Variants in ATR observed in about 807,000 individuals in gnomAD.
The protein encoded by ATR is ATR checkpoint kinase.
A neutral mutation model predicts 305.3 loss-of-function variants in ATR; 142 were observed. The observed-to-expected ratio is 0.47, with a 90% confidence interval of 0.41 to 0.53. The LOEUF is 0.53. Among genes scored for constraint, ATR ranks in the 20% least tolerant of loss-of-function variants. The pLI, the probability that ATR is intolerant of heterozygous loss-of-function variation, is 0.00. For synonymous variants in ATR, 1,050 were observed against 1,068.1 expected (o/e 0.98, Z 0.33); for missense variants, 2,135 against 3,133.1 (o/e 0.68, Z 7.60).
At chr3:142,492,339 T>C (rs528126650) in intron 35 of ATR, among the ~76,000 whole-genome samples, 1 of 152,348 alleles carries the variant, frequency 6.6e-6, no homozygotes, top group South Asian at 2.1e-4. Flanking sequence ...ATTGTTCTTA[T>C]AGCCTCTGCA....
rs2070935650 is a variant in ATR, at chr3:142,457,670, C to T, written c.7589G>A (p.Gly2530Asp). ...AACTTCACATGCTCTTCGAAAAAGA[C>T]CCTCTGTTCCCATAGGACCCATTCC... is the stretch of plus-strand genomic sequence containing the variant. ...VNGMGPMGTE[G>D]LFRRACEVTM... The change falls in exon 45 of 47, where the codon GGT (glycine) becomes GAT (aspartate). Residue 2530 changes from glycine (G) to aspartate (D), a missense_variant. Around this residue, in one of 9 missense-constraint regions of ATR, gnomAD observed 462 missense variants for 887.6 expected, o/e 0.52. Transcript: ENST00000350721. The T allele has an allele frequency of 6.2e-7, 1 of 1,614,028 alleles. No homozygotes were observed.
At chr3:142,543,094 A>G (rs57014591) in intron 16 of ATR, among the ~76,000 whole-genome samples, 9,080 of 152,202 alleles carry the variant, frequency 0.06, 859 homozygotes, top group African/African-American at 0.2. Context: ...GTGGAGAGGA[A>G]AAGAAGAAAG....
chr3:142,563,213 A>T (rs1293464891), intron 3 of ATR, 104 bp from the exon 4 acceptor site: 2 of 1,170,858 alleles, frequency 1.7e-6, no homozygotes, highest in South Asian at 3.1e-5. Flanking sequence ...AACTTCACTA[A>T]CAAGAGTGTA....
chr3:142,501,360 T>C (rs1207056685), intron 30 of ATR, among the ~76,000 whole-genome samples: 1 of 152,198 alleles, frequency 6.6e-6, no homozygotes, highest in Non-Finnish European at 1.5e-5. Context: ...ATCCACAACA[T>C]ATAAGCATTC....
intron 28 of ATR, among the ~76,000 whole-genome samples, chr3:142,506,049 G>T (rs949122640): frequency 2.0e-5 from 3 of 152,142 alleles, no homozygotes; most frequent in African/African-American, 7.2e-5. Flanking sequence ...ACTGGATTTG[G>T]TAACATGTGG....
intron 30 of ATR, among the ~76,000 whole-genome samples, chr3:142,502,918 C>A (rs2032050176): frequency 1.3e-5 from 2 of 152,144 alleles, no homozygotes; most frequent in Non-Finnish European, 2.9e-5. Flanking sequence ...TACAATAAAC[C>A]CACCTTCTTT....
rs1401271172 is a variant in ATR, at chr3:142,524,190, T to C, written c.3955A>G (p.Ile1319Val). ...GTTTCACTGTCTGTTGCATACTTTA[T>C]CAGTTTTTCCTAAAATAAAAGTAGA... ...ETLYKNQEKL[I>V]KYATDSETVE... is the part of the protein sequence containing the mutation. Residue 1319 changes from isoleucine (I) to valine (V), a missense_variant, in exon 22 of 47, where the codon ATA (isoleucine) becomes GTA (valine). Around this residue, in one of 9 missense-constraint regions of ATR, gnomAD observed 530 missense variants for 766.8 expected, o/e 0.69. Coordinates refer to ENST00000350721, the MANE Select transcript of ATR (RefSeq NM_001184.4). 8 of 1,612,762 alleles carry C rather than the reference T, an allele frequency of 5.0e-6. No individual in the cohort carries two copies. Among genetic ancestry groups the C allele is most frequent in the Middle Eastern group, 1.6e-4 (1 of 6,084 alleles).
rs552160664 is a variant in ATR, at chr3:142,510,526, C to T, written c.4852+1734G>A. On this transcript the variant is annotated intron_variant, in intron 27 of 46. Transcript: ENST00000350721. ...AAATATAAAAATATATTAATAGCCA[C>T]ATTCCAGACAAAAACATTCTCCAAG... 8.5e-5 allele frequency among the ~76,000 whole-genome samples: 13 copies of T among 152,198 alleles called. No individual in the cohort carries two copies. The East Asian group carries it at 2.5e-3, about 29-fold the overall frequency.
intron 46 of ATR, chr3:142,451,498 A>T (rs1266087204): frequency 4.8e-6 from 7 of 1,455,878 alleles, no homozygotes; most frequent in Non-Finnish European, 9.2e-7. Flanking sequence ...AAGAACACAG[A>T]CTGGACCCAT....
intron 35 of ATR, among the ~76,000 whole-genome samples, chr3:142,487,648 T>G (rs2031026018): frequency 6.6e-6 from 1 of 152,256 alleles, no homozygotes; most frequent in Non-Finnish European, 1.5e-5. Flanking sequence ...TTCTTGTGTT[T>G]ATCCTCTGGG....
chr3:142,478,757 A>G (rs2030153220), intron 36 of ATR, among the ~76,000 whole-genome samples: 1 of 152,138 alleles, frequency 6.6e-6, no homozygotes, highest in African/African-American at 2.4e-5. Flanking sequence ...GACTTGCTTT[A>G]TGAATCTGGG....
At chr3:142,516,984 A>ATATATATATATATATAT (rs2032892222) in intron 24 of ATR, among the ~76,000 whole-genome samples, 8 of 139,130 alleles carry the variant, frequency 5.8e-5, no homozygotes, top group African/African-American at 1.6e-4. Flanking sequence ...ATACCCAAAT[A>ATATATATATATATATAT]ATATATATAT....
chr3:142,450,625 A>C, intron 46 of ATR: 5 of 1,607,542 alleles, frequency 3.1e-6, no homozygotes, highest in African/African-American at 1.3e-5. Flanking sequence ...TGGATATGGA[A>C]GAGTATACAA....
intron 21 of ATR, among the ~76,000 whole-genome samples, chr3:142,534,024 T>C (rs769238454): frequency 6.6e-6 from 1 of 152,132 alleles, no homozygotes; most frequent in Non-Finnish European, 1.5e-5. Flanking sequence ...TGTTAGACAA[T>C]GACTGTGCCA....
At chr3:142,468,119 T>C (rs1364975856) in intron 38 of ATR, 51 bp from the exon 39 acceptor site, 1 of 1,592,606 alleles carries the variant, frequency 6.3e-7, no homozygotes, top group Non-Finnish European at 8.5e-7. Flanking sequence ...TACAGGATTT[T>C]TAAAAGATAA....
In ATR at chr3:142,536,220, A is replaced by G. The variant is rs1367657186; in HGVS notation, c.3726-19T>C. On this transcript the variant is annotated intron_variant, in intron 19 of 46. Transcript: ENST00000350721. Reference sequence around the variant, plus strand: ...AGCATCCCTAATAGTTAGTTGGAATAAAAAGAATTATTTGCCAAGAATATG... The same window carrying G: ...AGCATCCCTAATAGTTAGTTGGAATGAAAAGAATTATTTGCCAAGAATATG... The G allele has an allele frequency of 2.0e-6, 3 of 1,497,542 alleles. No homozygotes were observed. In the African/African-American group the frequency reaches 4.2e-5, roughly 21 times the overall value. The allele number at this position is 1,497,542 out of a possible 1,614,324, so 92.8% of individuals were successfully genotyped here.
intron 23 of ATR, among the ~76,000 whole-genome samples, chr3:142,520,106 T>C (rs2033081436): frequency 6.6e-6 from 1 of 152,218 alleles, no homozygotes; most frequent in Non-Finnish European, 1.5e-5. Context: ...GTTATAGTGA[T>C]ATATGATCAG....
chr3:142,514,616 A>G (rs1237125779), intron 25 of ATR, among the ~76,000 whole-genome samples: 2 of 151,024 alleles, frequency 1.3e-5, no homozygotes, highest in African/African-American at 4.9e-5. Flanking sequence ...CCTGGGCGAC[A>G]GAGTGAGACT....
rs1042237689 is a variant in ATR, at chr3:142,538,503, T to C, written c.3704A>G (p.His1235Arg). Residue 1235 changes from histidine (H) to arginine (R), a missense_variant, in exon 19 of 47, where the codon CAC (histidine) becomes CGC (arginine). By Grantham distance (29) the His-to-Arg change is conservative. Around this residue, in one of 9 missense-constraint regions of ATR, gnomAD observed 530 missense variants for 766.8 expected, o/e 0.69. Transcript: ENST00000350721. ...IQPKETAAIF[H>R]YLIIENRDAV... ...ATACCTGTTTTCAATTATGAGGTAGTGGAAGATAGCTGCAGTTTCTTTAGG... is the reference window on the plus strand; with the variant it reads ...ATACCTGTTTTCAATTATGAGGTAGCGGAAGATAGCTGCAGTTTCTTTAGG... 2.5e-6 allele frequency: 4 copies of C among 1,612,830 alleles called. No individual in the cohort carries two copies. Among genetic ancestry groups the C allele is most frequent in the Non-Finnish European group, 3.4e-6 (4 of 1,179,176 alleles).
Sources: gnomAD v4.1 joint callset for allele counts (sites outside exome capture counted in the v4.1 genomes callset) on GRCh38, gnomAD v4.1.1 for gene constraint, gnomAD v4.1.1 regional missense constraint, MANE v1.5 for transcripts, NCBI Gene and HGNC (gene_info 2026-07-23, HGNC 2026-07-21) for gene names.